The following TXNRD1 variants were observed in gnomAD, a reference collection of about 807,000 sequenced individuals.
The protein encoded by TXNRD1 is thioredoxin reductase 1, cytoplasmic.
A neutral mutation model predicts 80.3 loss-of-function variants in TXNRD1; 57 were observed. The observed-to-expected ratio is 0.71, with a 90% CI of 0.57 to 0.89. The LOEUF (loss-of-function observed/expected upper bound fraction) is 0.89, where lower values mean the gene tolerates loss of function less well. Ranked by LOEUF, TXNRD1 falls within the 40% of genes least tolerant of loss-of-function variation. The pLI is 0.00. For missense variants in TXNRD1, 730 were observed against 803.0 expected, an observed-to-expected ratio of 0.91 and a Z score of 1.10; for synonymous variants, 291 against 285.2, an observed-to-expected ratio of 1.02 and a Z score of -0.20.
At position 104,348,337 on chromosome 12, in the gene TXNRD1, T is replaced by G. The variant is rs888535699; in HGVS notation, c.1882-16T>G. Reference sequence around the variant, plus strand: ...CTCAGGCATCTGAAGATGTTGTGCTTTCTCTTCCCCTGCAGGTATTCACAA... The same window carrying G: ...CTCAGGCATCTGAAGATGTTGTGCTGTCTCTTCCCCTGCAGGTATTCACAA... On this transcript the variant is annotated splice_polypyrimidine_tract_variant and intron_variant, in intron 16 of 16. Transcript: ENST00000525566. 1.2e-6 allele frequency: 2 copies of G among 1,613,888 alleles called. No individual in the cohort carries two copies. The highest frequency in any genetic ancestry group is 1.7e-6 in the Non-Finnish European group (2 of 1,179,754).
chr12:104,332,610 G>A (rs1476646540), intron 14 of TXNRD1, among the ~76,000 whole-genome samples: 2 of 151,900 alleles, frequency 1.3e-5, no homozygotes. Context: ...TTAGCCAGGA[G>A]TGGTGGTGCA....
At chr12:104,342,206 G>A (rs2036350034) in intron 16 of TXNRD1, among the ~76,000 whole-genome samples, 2 of 152,084 alleles carry the variant, frequency 1.3e-5, no homozygotes. Context: ...GACCAGAACT[G>A]GGGCTAAAAA....
chr12:104,326,455 G>A (rs757763473), intron 12 of TXNRD1, 32 bp downstream of exon 12: 1 of 1,071,724 alleles, frequency 9.3e-7, no homozygotes, highest in Non-Finnish European at 1.3e-6. Flanking sequence ...TGTCATATTT[G>A]TGGGATTTTT....
intron 3 of TXNRD1, among the ~76,000 whole-genome samples, chr12:104,279,706 T>G (rs2033835480): frequency 6.6e-6 from 1 of 152,220 alleles, no homozygotes; most frequent in Non-Finnish European, 1.5e-5. Flanking sequence ...AAGTTCCCTC[T>G]ACTGGATTAT....
chr12:104,302,719 G>T (rs2034688044), intron 4 of TXNRD1, among the ~76,000 whole-genome samples: 1 of 151,996 alleles, frequency 6.6e-6, no homozygotes. Flanking sequence ...TCGATCTCCT[G>T]ACCTCGTGAT....
intron 6 of TXNRD1, 140 bp from the exon 7 acceptor site, chr12:104,315,637 G>A: frequency 1.1e-6 from 1 of 907,224 alleles, no homozygotes; most frequent in Non-Finnish European, 1.5e-6. Context: ...GTAAGAGTTA[G>A]GAATAAACTT....
chr12:104,282,693 A>G (rs1022679475), intron 3 of TXNRD1, among the ~76,000 whole-genome samples: 3 of 152,148 alleles, frequency 2.0e-5, no homozygotes, highest in Admixed American at 6.6e-5. Context: ...TGGGATCATG[A>G]GAGCCTTTTC....
intron 15 of TXNRD1, among the ~76,000 whole-genome samples, chr12:104,335,370 C>T (rs1456424162): frequency 1.3e-5 from 2 of 151,782 alleles, no homozygotes; most frequent in African/African-American, 4.8e-5. Context: ...CCCAGCTATT[C>T]TGTATTTTTA....
chr12:104,328,898 G>A (rs911861837), intron 13 of TXNRD1, among the ~76,000 whole-genome samples: 9 of 152,066 alleles, frequency 5.9e-5, no homozygotes, highest in African/African-American at 2.2e-4. Context: ...GGACTAGATG[G>A]CCAGAAAAGA....
chr12:104,288,677 C>T, intron 3 of TXNRD1: 1 of 1,221,602 alleles, frequency 8.2e-7, no homozygotes, highest in South Asian at 1.6e-5. Flanking sequence ...CTGACTAGAA[C>T]TCTGACGTTT....
At chr12:104,286,923 G>C (rs2033985573) in intron 3 of TXNRD1, 1 of 1,176,908 alleles carries the variant, frequency 8.5e-7, no homozygotes, top group African/African-American at 1.6e-5. Flanking sequence ...ACGAGGAGTG[G>C]ATTTCTGCTT....
chr12:104,317,365 CTT>C (rs68031758), intron 7 of TXNRD1, among the ~76,000 whole-genome samples: 27,578 of 116,150 alleles, frequency 0.24, 2,865 homozygotes, highest in Middle Eastern at 0.3. Context: ...TCTGCAGTTA[CTT>C]TTTTTTTTTT....
At chr12:104,262,256 A>G (rs1263459176) in intron 3 of TXNRD1, 2 of 150,562 alleles carry the variant, frequency 1.3e-5, no homozygotes, top group Non-Finnish European at 3.0e-5. Context: ...AAAAAAAAAA[A>G]GACCAAGTTT....
intron 3 of TXNRD1, among the ~76,000 whole-genome samples, chr12:104,261,880 A>G (rs548776405): frequency 4.0e-5 from 6 of 151,762 alleles, no homozygotes; most frequent in African/African-American, 1.2e-4. Flanking sequence ...TCCCAAGTAG[A>G]TGGGATTACA....
chr12:104,267,288 T>TTCTG lies in TXNRD1; in HGVS notation c.304+9225_304+9228dup, dbSNP rs1369442403. ...CTTTCTTTCTTTCTTTCTTTCCTCTTTCTGTCTGTCTGTCTGTCTTGCTCT... is the reference window on the plus strand; with the variant it reads ...CTTTCTTTCTTTCTTTCTTTCCTCTTTCTGTCTGTCTGTCTGTCTGTCTTGCTCT... On this transcript the variant is annotated intron_variant, in intron 3 of 16. Transcript: ENST00000525566. 4.9e-3 allele frequency among the ~76,000 whole-genome samples: 735 copies of TTCTG among 149,948 alleles called. 9 individuals carry two copies. Among genetic ancestry groups the TTCTG allele is most frequent in the African/African-American group, 0.014 (561 of 40,408 alleles).
At position 104,348,562 on chromosome 12, in the gene TXNRD1, G is replaced by A; in HGVS notation, c.*141G>A. On this transcript the variant is annotated 3_prime_UTR_variant, in exon 17 of 17. Transcript: ENST00000525566. ...CTTACCACCGCCCAAGGCCCCCTTG[G>A]ATCTCTTGGATAGGAGTTGGTGAAT... 1 of 695,114 alleles carries A rather than the reference G, an allele frequency of 1.4e-6. No homozygotes were observed. The highest frequency in any genetic ancestry group is 2.4e-6 in the Non-Finnish European group (1 of 408,368). 43.1% of individuals were successfully genotyped at this position (695,114 alleles called of 1,614,324 possible).
chr12:104,324,478 A>G (rs34195880), intron 10 of TXNRD1, among the ~76,000 whole-genome samples: 4,771 of 151,780 alleles, frequency 0.031, 98 homozygotes, highest in Middle Eastern at 0.12. Context: ...CAGCCTCCCA[A>G]GTAGCTGGGA....
rs1038808538 is a variant in TXNRD1 at position 104,326,570 on chromosome 12, A to G, written c.1385+147A>G. On this transcript the variant is annotated intron_variant, in intron 12 of 16. Transcript: ENST00000525566. ...AACCTCCGTCCCCTGGGATCAAGCC[A>G]TTCTCCTGCCTCAGCCTCCCATGTA... 9.6e-6 allele frequency: 5 copies of G among 523,504 alleles called. No individual in the cohort carries two copies. In the Admixed American group the frequency reaches 1.1e-4, roughly 12 times the overall value. 32.4% of individuals were successfully genotyped at this position (523,504 alleles called of 1,614,324 possible).
At chr12:104,330,332 A>G (rs35700104) in intron 13 of TXNRD1, among the ~76,000 whole-genome samples, 61 of 152,320 alleles carry the variant, frequency 4.0e-4, no homozygotes, top group African/African-American at 1.3e-3. Flanking sequence ...TTTTTTCACA[A>G]TTCACAGCAT....
Sources: allele counts gnomAD v4.1 joint callset (sites outside exome capture counted in the v4.1 genomes callset), GRCh38; gene constraint gnomAD v4.1.1; transcripts MANE v1.5; gene names NCBI Gene and HGNC (gene_info 2026-07-23, HGNC 2026-07-21).